The following DNAH9 variants were observed in gnomAD, a reference collection of about 807,000 sequenced individuals.
The protein encoded by DNAH9 is DNAH9 variant protein.
DNAH9 carries 345 observed loss-of-function variants against 471.6 expected under a neutral mutation model. The ratio of observed to expected loss-of-function variants is 0.73; its 90% CI spans 0.67 to 0.80. The LOEUF (loss-of-function observed/expected upper bound fraction) is 0.80. Among genes scored for constraint, DNAH9 ranks in the 30% least tolerant of loss-of-function variants. The pLI is 0.00. For missense variants in DNAH9, 5,407 were observed against 5,609.2 expected (o/e 0.96, Z 1.15); for synonymous variants, 2,093 against 2,123.6 (o/e 0.99, Z 0.40).
chr17:11,959,922 T>TATTG (rs1182538948), intron 67 of DNAH9, among the ~76,000 whole-genome samples: 4 of 152,234 alleles, frequency 2.6e-5, no homozygotes, highest in African/African-American at 9.6e-5. Context: ...TGATTAGGGA[T>TATTG]ATTGGTCTTT....
chr17:11,708,010 CACACAGAGAGAGAGAGAGAGAGAG>C (rs1285680159), intron 26 of DNAH9, among the ~76,000 whole-genome samples: 52 of 48,270 alleles, frequency 1.1e-3, no homozygotes, highest in African/African-American at 3.1e-3. Context: ...CACACACACA[CACACAGAGAGAGAGAGAGAGAGAG>C]AGAGAGAGAG....
At chr17:11,733,776 G>C (rs568463441) in intron 28 of DNAH9, among the ~76,000 whole-genome samples, 1 of 150,814 alleles carries the variant, frequency 6.6e-6, no homozygotes, top group South Asian at 2.1e-4. Context: ...GGGAATGGCG[G>C]TGTGAACCCG....
chr17:11,610,279 A>G, intron 2 of DNAH9, 117 bp from the exon 3 acceptor site: 1 of 803,472 alleles, frequency 1.2e-6, no homozygotes, highest in South Asian at 2.1e-5. Flanking sequence ...GCTAGATGAA[A>G]TTTCTCACCT....
chr17:11,883,098 G>A, intron 55 of DNAH9: 2 of 987,756 alleles, frequency 2.0e-6, no homozygotes, highest in Non-Finnish European at 2.4e-6. Flanking sequence ...CCAGCCTCGA[G>A]GAAGCTTTTA....
intron 14 of DNAH9, among the ~76,000 whole-genome samples, chr17:11,659,469 C>T (rs563031928): frequency 9.2e-5 from 14 of 152,262 alleles, no homozygotes; most frequent in African/African-American, 3.1e-4. Flanking sequence ...AAGCCCAGGG[C>T]ATAAAACCCC....
chr17:11,835,856 C>T (rs953418387), intron 49 of DNAH9, among the ~76,000 whole-genome samples: 1 of 152,164 alleles, frequency 6.6e-6, no homozygotes, highest in African/African-American at 2.4e-5. Context: ...CACATCTGGT[C>T]CACTGGAGAT....
intron 17 of DNAH9, among the ~76,000 whole-genome samples, chr17:11,676,172 C>T (rs1386960559): frequency 9.9e-5 from 15 of 151,804 alleles, no homozygotes. Context: ...GGAATGTATC[C>T]ATCTCATGTA....
chr17:11,663,487 G>T (rs1311913311), intron 14 of DNAH9, among the ~76,000 whole-genome samples: 3 of 152,148 alleles, frequency 2.0e-5, no homozygotes, highest in African/African-American at 7.2e-5. Flanking sequence ...TCACATTCTT[G>T]TTCTGTCTGT....
chr17:11,886,696 C>G (rs1972887930), intron 56 of DNAH9, 129 bp from the exon 57 acceptor site: 3 of 1,161,158 alleles, frequency 2.6e-6, no homozygotes, highest in Non-Finnish European at 3.6e-6. Flanking sequence ...AACTTTCTAC[C>G]CATCATCCCC....
intron 53 of DNAH9, among the ~76,000 whole-genome samples, chr17:11,877,607 C>T (rs1432327313): frequency 2.0e-5 from 3 of 151,840 alleles, no homozygotes; most frequent in African/African-American, 7.3e-5. Context: ...GCTCTGGCCA[C>T]GTGTCCCAAG....
At chr17:11,917,098 G>A (rs1456173565) in intron 61 of DNAH9, among the ~76,000 whole-genome samples, 4 of 152,092 alleles carry the variant, frequency 2.6e-5, no homozygotes, top group Non-Finnish European at 5.9e-5. Context: ...GATGGAGTGG[G>A]GAAGGGGAAA....
rs764482569 is a variant in DNAH9 at position 11,611,635 on chromosome 17, T to G, written c.774-15T>G. The G allele has an allele frequency of 6.2e-7, 1 of 1,613,040 alleles. No individual in the cohort carries two copies. On this transcript the variant is annotated splice_polypyrimidine_tract_variant and intron_variant, in intron 3 of 68. Transcript: ENST00000262442. Reference sequence around the variant, plus strand: ...TGATGCTTCCCTGGATTCACCCTTCTTCATGATATTGCAGGTATGAAGATC... The same window carrying G: ...TGATGCTTCCCTGGATTCACCCTTCGTCATGATATTGCAGGTATGAAGATC...
At chr17:11,676,527 C>T (rs2074053555) in intron 17 of DNAH9, among the ~76,000 whole-genome samples, 1 of 152,064 alleles carries the variant, frequency 6.6e-6, no homozygotes, top group South Asian at 2.1e-4. Flanking sequence ...AGGTGATCCA[C>T]CTGCCTTGGC....
At chr17:11,826,834 T>C (rs1567830073) in intron 48 of DNAH9, among the ~76,000 whole-genome samples, 1 of 144,384 alleles carries the variant, frequency 6.9e-6, no homozygotes, top group Non-Finnish European at 1.5e-5. Flanking sequence ...TTTTTTTTTT[T>C]TTTTTTTTGA....
intron 62 of DNAH9, among the ~76,000 whole-genome samples, chr17:11,927,021 T>G (rs1186135525): frequency 6.6e-6 from 1 of 152,250 alleles, no homozygotes; most frequent in Non-Finnish European, 1.5e-5. Flanking sequence ...ATGTTGAGCT[T>G]CTTTTCATAT....
chr17:11,841,797 C>A (rs1209833567), intron 49 of DNAH9, among the ~76,000 whole-genome samples: 1 of 152,034 alleles, frequency 6.6e-6, no homozygotes, highest in Non-Finnish European at 1.5e-5. Context: ...GGTGGGTTTG[C>A]GTGACCCAGT....
intron 6 of DNAH9, among the ~76,000 whole-genome samples, chr17:11,625,475 G>A (rs546724722): frequency 1.3e-5 from 2 of 152,254 alleles, no homozygotes; most frequent in East Asian, 1.9e-4. Context: ...GGTCAGTGGC[G>A]ATCAAAAGGT....
At chr17:11,615,647 T>C (rs767284824) in intron 4 of DNAH9, among the ~76,000 whole-genome samples, 7 of 152,090 alleles carry the variant, frequency 4.6e-5, no homozygotes, top group Non-Finnish European at 7.4e-5. Flanking sequence ...TCATATGCCT[T>C]GTCATCCAAG....
chr17:11,934,266 T>G (rs907695750), intron 65 of DNAH9, among the ~76,000 whole-genome samples, 195 bp downstream of exon 65: 2 of 152,046 alleles, frequency 1.3e-5, no homozygotes, highest in African/African-American at 4.8e-5. Flanking sequence ...CCTGCCCTGT[T>G]TAAGTTGAGA....
Sources: allele counts gnomAD v4.1 joint callset (sites outside exome capture counted in the v4.1 genomes callset), GRCh38; gene constraint gnomAD v4.1.1; transcripts MANE v1.5; gene names NCBI Gene and HGNC (gene_info 2026-07-23, HGNC 2026-07-21).